Variants in PRUNE2 observed in about 807,000 individuals in gnomAD.
PRUNE2 encodes the protein prune homolog 2 with BCH domain.
Under a neutral mutation model 252.0 loss-of-function variants are expected in PRUNE2, and 164 were observed. The observed-to-expected ratio is 0.65, with a 90% CI of 0.57 to 0.74. PRUNE2 has a LOEUF of 0.74. Among genes scored for constraint, PRUNE2 ranks in the 30% least tolerant of loss-of-function variants. The pLI, the probability that PRUNE2 is intolerant of heterozygous loss-of-function variation, is 0.00. For missense variants in PRUNE2, 3,495 were observed against 3,711.0 expected (o/e 0.94, Z 1.51); for synonymous variants, 1,292 against 1,350.2 (o/e 0.96, Z 0.94).
chr9:76,864,260 G>A (rs2060711182), intron 1 of PRUNE2, among the ~76,000 whole-genome samples: 1 of 152,110 alleles, frequency 6.6e-6, no homozygotes, highest in East Asian at 1.9e-4. Flanking sequence ...CTACATGGAT[G>A]TAAATGTGGG....
At chr9:76,664,637 C>T (rs1405053289) in intron 9 of PRUNE2, among the ~76,000 whole-genome samples, 1 of 152,186 alleles carries the variant, frequency 6.6e-6, no homozygotes, top group Non-Finnish European at 1.5e-5. Context: ...TCTCCTGCCT[C>T]AGCCTCCCGA....
At chr9:76,887,212 C>A (rs1478120765) in intron 1 of PRUNE2, among the ~76,000 whole-genome samples, 2 of 152,090 alleles carry the variant, frequency 1.3e-5, no homozygotes, top group African/African-American at 4.8e-5. Flanking sequence ...ATAGATGCAG[C>A]CTGAAGTCAT....
intron 1 of PRUNE2, among the ~76,000 whole-genome samples, chr9:76,871,994 A>G (rs1589697469): frequency 6.6e-6 from 1 of 152,310 alleles, no homozygotes; most frequent in South Asian, 2.1e-4. Flanking sequence ...AAAATAGTCA[A>G]CATTTATACA....
At chr9:76,803,601 C>T (rs991534370) in intron 6 of PRUNE2, among the ~76,000 whole-genome samples, 4 of 152,166 alleles carry the variant, frequency 2.6e-5, no homozygotes, top group Non-Finnish European at 5.9e-5. Flanking sequence ...ACTGCAATCT[C>T]AGAGAGGGTT....
intron 6 of PRUNE2, among the ~76,000 whole-genome samples, chr9:76,774,462 T>TTC (rs764639915): frequency 9.6e-6 from 1 of 104,252 alleles, no homozygotes; most frequent in Non-Finnish European, 2.2e-5. Flanking sequence ...TTTTTTTTTT[T>TTC]TTTTTTTTTT....
chr9:76,879,297 A>G (rs1033771676), intron 1 of PRUNE2, among the ~76,000 whole-genome samples: 4 of 152,200 alleles, frequency 2.6e-5, no homozygotes, highest in African/African-American at 9.7e-5. Context: ...TGCATATCTT[A>G]TGTAATACAT....
chr9:76,677,915 A>G (rs1482180339), intron 9 of PRUNE2, among the ~76,000 whole-genome samples: 1 of 152,144 alleles, frequency 6.6e-6, no homozygotes, highest in Non-Finnish European at 1.5e-5. Flanking sequence ...TTTGCACTCG[A>G]GTGTTCCAAA....
chr9:76,667,820 T>A (rs2040487578), intron 9 of PRUNE2, among the ~76,000 whole-genome samples: 1 of 152,202 alleles, frequency 6.6e-6, no homozygotes, highest in South Asian at 2.1e-4. Context: ...TGCTCTACAG[T>A]TTCTGTGGCA....
intron 9 of PRUNE2, among the ~76,000 whole-genome samples, chr9:76,676,876 G>GAA (rs2042685269): frequency 6.6e-6 from 1 of 152,178 alleles, no homozygotes; most frequent in Non-Finnish European, 1.5e-5. Context: ...TGTTACCATT[G>GAA]AAAAAGAAAG....
chr9:76,753,850 G>A (rs1449967152), intron 6 of PRUNE2, among the ~76,000 whole-genome samples: 1 of 142,880 alleles, frequency 7.0e-6, no homozygotes, highest in Non-Finnish European at 1.5e-5. Context: ...CCCAGGAGAC[G>A]GAGCTTGCAG....
At position 76,806,857 on chromosome 9, in the gene PRUNE2, T is replaced by C. The variant is rs111761794; in HGVS notation, c.756+16775A>G. Among the ~76,000 whole-genome samples, 523 of 151,952 alleles carry C rather than the reference T, an allele frequency of 3.4e-3. 4 individuals carry two copies. Among genetic ancestry groups the C allele is most frequent in the African/African-American group, 0.012 (501 of 41,442 alleles). On this transcript the variant is annotated intron_variant, in intron 6 of 18. Coordinates refer to ENST00000376718, the MANE Select transcript of PRUNE2 (RefSeq NM_015225.3). ...AAGCTTTTTGCAAATATTAACCCAT[T>C]TAATCCTCAGGGTAATCCTTGGAAG... is the stretch of plus-strand genomic sequence containing the variant.
chr9:76,677,473 A>T (rs2042800804), intron 9 of PRUNE2, among the ~76,000 whole-genome samples: 1 of 152,198 alleles, frequency 6.6e-6, no homozygotes, highest in Admixed American at 6.5e-5. Context: ...GCAGAGAATG[A>T]AACATTTCCA....
intron 9 of PRUNE2, among the ~76,000 whole-genome samples, chr9:76,668,589 G>T (rs890151): frequency 6.6e-6 from 1 of 151,850 alleles, no homozygotes; most frequent in Admixed American, 6.6e-5. Context: ...GGTGGAAGCT[G>T]GAGAGAGGCC....
intron 6 of PRUNE2, among the ~76,000 whole-genome samples, chr9:76,748,957 T>C (rs1008926912): frequency 6.6e-6 from 1 of 152,140 alleles, no homozygotes; most frequent in Non-Finnish European, 1.5e-5. Flanking sequence ...CTTAAGGGCT[T>C]GCCACCCACT....
intron 6 of PRUNE2, among the ~76,000 whole-genome samples, chr9:76,722,444 C>T (rs1477562882): frequency 6.6e-6 from 1 of 152,066 alleles, no homozygotes; most frequent in Non-Finnish European, 1.5e-5. Flanking sequence ...TCTATTAAAA[C>T]TATATTAGAC....
chr9:76,774,111 T>G (rs2053423202), intron 6 of PRUNE2, among the ~76,000 whole-genome samples: 9 of 151,970 alleles, frequency 5.9e-5, no homozygotes, highest in Admixed American at 5.9e-4. Context: ...AAAGAATAGG[T>G]TTGATTCTTT....
At chr9:76,724,901 G>A (rs17787120) in intron 6 of PRUNE2, among the ~76,000 whole-genome samples, 1,765 of 152,222 alleles carry the variant, frequency 0.012, 34 homozygotes, top group East Asian at 0.083. Context: ...ATACGGGAAC[G>A]AATAATTCAG....
chr9:76,709,259 T>A lies in PRUNE2; in HGVS notation c.3015A>T (p.Ala1005=). The A allele has an allele frequency of 6.2e-7, 1 of 1,609,232 alleles. No individual in the cohort carries two copies. Among genetic ancestry groups the A allele is most frequent in the Non-Finnish European group, 8.5e-7 (1 of 1,178,020 alleles). Residue 1005 remains alanine (A), a synonymous_variant, in exon 8 of 19, where the codon GCA becomes GCT. Coordinates refer to ENST00000376718, the MANE Select transcript of PRUNE2 (RefSeq NM_015225.3). Reference sequence around the variant, plus strand: ...ACTGAGGAGGAATGTCAGTCTCCTCTGCCGTGGAGTTACCATCTTTTGACT... The same window carrying A: ...ACTGAGGAGGAATGTCAGTCTCCTCAGCCGTGGAGTTACCATCTTTTGACT... ...GFESKDGNST[A]EETDIPPQSL...
intron 9 of PRUNE2, among the ~76,000 whole-genome samples, chr9:76,697,062 AT>A (rs2045461734): frequency 6.6e-6 from 1 of 152,182 alleles, no homozygotes; most frequent in African/African-American, 2.4e-5. Context: ...TGCCCCTGAT[AT>A]GCGAATATAC....
Sources: allele counts gnomAD v4.1 joint callset (sites outside exome capture counted in the v4.1 genomes callset), GRCh38; gene constraint gnomAD v4.1.1; transcripts MANE v1.5; gene names NCBI Gene and HGNC (gene_info 2026-07-23, HGNC 2026-07-21).